Variants in RAD21 observed in about 807,000 individuals in gnomAD.
RAD21 encodes RAD21 cohesin complex component, also known as double-strand-break repair protein rad21 homolog.
In RAD21, 18 loss-of-function variants were observed where a neutral mutation model predicts 71.5. The ratio of observed to expected loss-of-function variants is 0.25; its 90% CI spans 0.17 to 0.37. The LOEUF (loss-of-function observed/expected upper bound fraction) is 0.37, where lower values mean the gene tolerates loss of function less well. RAD21 is among the 10% of genes least tolerant of loss of function. The pLI is 1.00. For missense variants in RAD21, 493 were observed against 769.1 expected (o/e 0.64, Z 4.25); for synonymous variants, 248 against 254.0 (o/e 0.98, Z 0.22).
At position 116,852,615 on chromosome 8, in the gene RAD21, C is replaced by T. The variant is rs750846442; in HGVS notation, c.1255G>A (p.Glu419Lys). The change falls in exon 10 of 14, where the codon GAA becomes AAA. Residue 419 changes from glutamate (E) to lysine (K), a missense_variant. By Grantham distance (56) the Glu-to-Lys change is moderately conservative. This residue lies in a region of RAD21 where 225 missense variants were observed against 218.3 expected (regional missense o/e 1.03). Coordinates refer to ENST00000297338, the MANE Select transcript of RAD21 (RefSeq NM_006265.3). ...CTAGGAACCTCTGGATTTTCAAATT[C>T]TTTGAGGAATTCATCCAAATTATCT... ...EADNLDEFLKEFENPEVPRED... is the reference protein window; with the variant it reads ...EADNLDEFLKKFENPEVPRED... The T allele has an allele frequency of 1.9e-6, 3 of 1,613,214 alleles. No homozygotes were observed. The highest frequency in any genetic ancestry group is 2.5e-6 in the Non-Finnish European group (3 of 1,179,732).
chr8:116,852,139 T>G, intron 10 of RAD21, 43 bp from the exon 11 acceptor site: 1 of 1,536,122 alleles, frequency 6.5e-7, no homozygotes, highest in South Asian at 1.2e-5. Flanking sequence ...TCATACAGTT[T>G]TGAACAGTAT....
chr8:116,861,751 A>G, intron 4 of RAD21, 90 bp downstream of exon 4: 1 of 893,282 alleles, frequency 1.1e-6, no homozygotes, highest in Non-Finnish European at 1.8e-6. Flanking sequence ...GTTAATGTAA[A>G]ACATTCCAAG....
chr8:116,850,840 C>T (rs757963434), intron 11 of RAD21, 73 bp from the exon 12 acceptor site: 2 of 1,082,982 alleles, frequency 1.8e-6, no homozygotes, highest in Non-Finnish European at 2.7e-6. Flanking sequence ...TGAAAATACA[C>T]AGTGGCTGAA....
chr8:116,868,407 AT>A (rs1328205619), intron 1 of RAD21, among the ~76,000 whole-genome samples: 3 of 152,166 alleles, frequency 2.0e-5, no homozygotes, highest in Admixed American at 2.0e-4. Flanking sequence ...ATAGAAGGAC[AT>A]TTAGTTGCTT....
Position 116,851,922 on chromosome 8 carries a change from CTTAATGGATAGATTTGCT to C in RAD21, c.1470+8_1470+25del. ...TGACTGTATGAATACCTTCAAATGA[CTTAATGGATAGATTTGCT>C]TACTTACAGGCATCACAGGCTCTGG... On this transcript the variant is annotated splice_region_variant and intron_variant, in intron 11 of 13. Transcript: ENST00000297338. The C allele has an allele frequency of 6.3e-7, 1 of 1,590,274 alleles. No individual in the cohort carries two copies. Among genetic ancestry groups the C allele is most frequent in the South Asian group, 1.1e-5 (1 of 89,768 alleles).
chr8:116,858,229 G>C (rs988866558), intron 5 of RAD21, 123 bp downstream of exon 5: 4 of 702,588 alleles, frequency 5.7e-6, no homozygotes, highest in Non-Finnish European at 9.2e-6. Context: ...TTCTTTTCTT[G>C]ATGAAAATGC....
chr8:116,849,623 T>G (rs1197036933), intron 12 of RAD21: 1 of 152,148 alleles, frequency 6.6e-6, no homozygotes, highest in Non-Finnish European at 1.5e-5. Flanking sequence ...CTAAATGACT[T>G]TTTAAAGTCC....
At position 116,866,646 on chromosome 8, in the gene RAD21, G is replaced by C; in HGVS notation, c.84C>G (p.Thr28=). ...AATTACACTCGAACACATGGGCTTT[G>C]GTTAGCTTCTTATCCCAATGGGCCG... ...WLAAHWDKKL[T]KAHVFECNLE... The change falls in exon 2 of 14, where the codon ACC becomes ACG. Residue 28 remains threonine, a synonymous_variant. Transcript: ENST00000297338. The C allele has an allele frequency of 6.2e-7, 1 of 1,613,410 alleles. No homozygotes were observed. Among genetic ancestry groups the C allele is most frequent in the Non-Finnish European group, 8.5e-7 (1 of 1,179,666 alleles).
intron 5 of RAD21, among the ~76,000 whole-genome samples, chr8:116,857,967 C>G (rs1812505572): frequency 6.6e-6 from 1 of 152,174 alleles, no homozygotes; most frequent in Admixed American, 6.5e-5. Context: ...ATGGATAACA[C>G]AGCAGAGACC....
intron 1 of RAD21, among the ~76,000 whole-genome samples, chr8:116,873,914 C>T (rs1812901321): frequency 6.6e-6 from 1 of 152,206 alleles, no homozygotes; most frequent in Admixed American, 6.5e-5. Context: ...CAGGGGAAAA[C>T]CAATTATGCA....
Position 116,853,027 on chromosome 8 carries a change from G to A in RAD21, c.1162-319C>T, listed in dbSNP as rs2921789. 9.7e-3 allele frequency among the ~76,000 whole-genome samples: 1,478 copies of A among 152,138 alleles called. 74 individuals are homozygous for A. In the East Asian group the frequency reaches 0.15, roughly 16 times the overall value. On this transcript the variant is annotated intron_variant, in intron 9 of 13. Transcript: ENST00000297338. The stretch of plus-strand genomic sequence containing the variant: ...ATCCTAACTGGTCTCATACAAAATA[G>A]CTTTAAATTGTGTTTTCTTCCCTTA...
At position 116,856,205 on chromosome 8, in the gene RAD21, C is replaced by T. The variant is rs2130466261; in HGVS notation, c.898G>A (p.Glu300Lys). The T allele has an allele frequency of 1.9e-6, 3 of 1,604,520 alleles. No homozygotes were observed. The highest frequency in any genetic ancestry group is 2.6e-6 in the Non-Finnish European group (3 of 1,175,710). Residue 300 changes from glutamate to lysine, a missense_variant, in exon 8 of 14, where the codon GAG (glutamate) becomes AAG (lysine). Coordinates refer to ENST00000297338, the MANE Select transcript of RAD21 (RefSeq NM_006265.3). ...GGCTCCAATGCAAATGCTTCTTCCT[C>T]ATTTGGAACAAGTGTTGTTTGATCA... is the stretch of plus-strand genomic sequence containing the variant. ...MTDQTTLVPN[E>K]EEAFALEPID... is the part of the protein sequence containing the mutation.
At chr8:116,859,508 T>C (rs3020118) in intron 4 of RAD21, among the ~76,000 whole-genome samples, 3,627 of 152,198 alleles carry the variant, frequency 0.024, 130 homozygotes, top group East Asian at 0.15. Flanking sequence ...CCCAAAGCAC[T>C]GGGATCATAG....
intron 6 of RAD21, among the ~76,000 whole-genome samples, chr8:116,857,046 G>A (rs1022676655): frequency 3.3e-5 from 5 of 151,956 alleles, no homozygotes; most frequent in African/African-American, 4.8e-5. Context: ...ACAGTTTTAA[G>A]TACTAATAAA....
chr8:116,850,870 A>T (rs1812335518), intron 11 of RAD21, 103 bp from the exon 12 acceptor site: 2 of 750,118 alleles, frequency 2.7e-6, no homozygotes, highest in Non-Finnish European at 4.4e-6. Context: ...TCAAAAAGAA[A>T]TACTGAGATT....
rs1477634730 is a variant in RAD21, at chr8:116,852,036, G to A, written c.1382C>T (p.Thr461Ile). The change falls in exon 11 of 14, where the codon ACA (threonine) becomes ATA (isoleucine). Residue 461 changes from threonine to isoleucine, a missense_variant. Around this residue, in one of 5 missense-constraint regions of RAD21, gnomAD observed 225 missense variants for 218.3 expected, o/e 1.03. Coordinates refer to ENST00000297338, the MANE Select transcript of RAD21 (RefSeq NM_006265.3). ...AGGCATAGCTGACTCATCTATGTTT[G>A]TTCTGCTGGCCTCCATCACTGACTC... ...LQESVMEASR[T>I]NIDESAMPPP... The A allele has an allele frequency of 6.2e-7, 1 of 1,612,762 alleles. No individual in the cohort carries two copies. The highest frequency in any genetic ancestry group is 8.5e-7 in the Non-Finnish European group (1 of 1,178,898).
chr8:116,858,752 C>T (rs111982136), intron 4 of RAD21, among the ~76,000 whole-genome samples: 13 of 152,174 alleles, frequency 8.5e-5, no homozygotes, highest in African/African-American at 2.9e-4. Context: ...GCTAGATAGG[C>T]ATGGGTTTTC....
chr8:116,870,086 A>C (rs1013636753), intron 1 of RAD21, among the ~76,000 whole-genome samples: 1 of 152,204 alleles, frequency 6.6e-6, no homozygotes, highest in African/African-American at 2.4e-5. Flanking sequence ...TTAAGAGTAA[A>C]GAGTCTTGAA....
chr8:116,850,861 C>A, intron 11 of RAD21, 94 bp from the exon 12 acceptor site: 1 of 832,026 alleles, frequency 1.2e-6, no homozygotes, highest in South Asian at 1.8e-5. Flanking sequence ...GTTTTCTAGT[C>A]AAAAAGAAAT....
Sources: gnomAD v4.1 joint callset for allele counts (sites outside exome capture counted in the v4.1 genomes callset) on GRCh38, gnomAD v4.1.1 for gene constraint, gnomAD v4.1.1 regional missense constraint, MANE v1.5 for transcripts, NCBI Gene and HGNC (gene_info 2026-07-23, HGNC 2026-07-21) for gene names.